The following PHF21B variants were observed in gnomAD, a reference collection of about 807,000 sequenced individuals.
The protein encoded by PHF21B is PHD finger protein 21B.
A neutral mutation model predicts 62.2 loss-of-function variants in PHF21B; 22 were observed. The ratio of observed to expected loss-of-function variants is 0.35; its 90% CI spans 0.25 to 0.51. The LOEUF (loss-of-function observed/expected upper bound fraction) is 0.51, where lower values mean the gene tolerates loss of function less well. PHF21B is among the 20% of genes least tolerant of loss of function. The pLI, the probability that PHF21B is intolerant of heterozygous loss-of-function variation, is 0.97. For missense variants in PHF21B, 701 were observed against 707.9 expected, an observed-to-expected ratio of 0.99 and a Z score of 0.11; for synonymous variants, 341 against 314.7, an observed-to-expected ratio of 1.08 and a Z score of -0.88.
chr22:44,954,005 T>C (rs1047773444), intron 2 of PHF21B, among the ~76,000 whole-genome samples: 1 of 152,192 alleles, frequency 6.6e-6, no homozygotes, highest in African/African-American at 2.4e-5. Context: ...CACCGGGCTC[T>C]TCCTAAGGAG....
intron 2 of PHF21B, among the ~76,000 whole-genome samples, chr22:44,941,030 C>G (rs974398859): frequency 6.6e-5 from 10 of 152,320 alleles, no homozygotes; most frequent in African/African-American, 2.2e-4. Context: ...CAGCGGGATT[C>G]GTGAACAGTA....
chr22:44,944,251 G>A lies in PHF21B; in HGVS notation c.121-23761C>T, dbSNP rs868764246. On this transcript the variant is annotated intron_variant, in intron 2 of 12. Coordinates refer to ENST00000313237, the MANE Select transcript of PHF21B (RefSeq NM_138415.5). ...GCCCTGAGCAGAAGCTGAAAACCAC[G>A]TCCTTTCAAGGGAATTCGGGGAGGA... Among the ~76,000 whole-genome samples the A allele has an allele frequency of 6.6e-5, 10 of 152,314 alleles. No homozygotes were observed. In the South Asian group the frequency reaches 8.3e-4, roughly 13 times the overall value.
chr22:44,931,640 TG>T (rs136690), intron 2 of PHF21B, among the ~76,000 whole-genome samples: 6,039 of 54,558 alleles, frequency 0.11, 231 homozygotes, highest in African/African-American at 0.19. Context: ...GTTGTGATCT[TG>T]GGGGGGGGGT....
chr22:44,981,825 T>C (rs1202613135), intron 2 of PHF21B, among the ~76,000 whole-genome samples: 1 of 152,178 alleles, frequency 6.6e-6, no homozygotes, highest in East Asian at 1.9e-4. Flanking sequence ...AGTTCTGGAA[T>C]GGAAACTGAC....
intron 5 of PHF21B, among the ~76,000 whole-genome samples, chr22:44,910,025 A>T (rs2071317944): frequency 6.6e-6 from 1 of 152,210 alleles, no homozygotes; most frequent in African/African-American, 2.4e-5. Context: ...CTGCATCCTG[A>T]TGTCCCTAGC....
At chr22:44,932,183 T>C (rs1295567703) in intron 2 of PHF21B, among the ~76,000 whole-genome samples, 2 of 152,060 alleles carry the variant, frequency 1.3e-5, no homozygotes, top group Non-Finnish European at 2.9e-5. Flanking sequence ...TGCAGCAAAA[T>C]CTGTTCTTTA....
intron 2 of PHF21B, among the ~76,000 whole-genome samples, chr22:44,938,870 T>A (rs1490090471): frequency 6.6e-6 from 1 of 152,210 alleles, no homozygotes; most frequent in Admixed American, 6.5e-5. Flanking sequence ...GCCTCACTGA[T>A]GACCAGGAAG....
intron 6 of PHF21B, among the ~76,000 whole-genome samples, chr22:44,895,752 G>C (rs1043362306): frequency 6.6e-6 from 1 of 152,196 alleles, no homozygotes; most frequent in Non-Finnish European, 1.5e-5. Flanking sequence ...CATAGTCATG[G>C]AGCCAGGGCG....
intron 2 of PHF21B, among the ~76,000 whole-genome samples, chr22:44,961,152 T>C (rs991809989): frequency 5.9e-5 from 9 of 151,978 alleles, no homozygotes; most frequent in African/African-American, 2.2e-4. Context: ...AGATGGGGTT[T>C]CACCAGGTTG....
intron 2 of PHF21B, among the ~76,000 whole-genome samples, chr22:44,942,292 G>A (rs2071973619): frequency 6.6e-6 from 1 of 152,122 alleles, no homozygotes; most frequent in South Asian, 2.1e-4. Context: ...CATCTGGAGG[G>A]CAGCCGATGG....
chr22:44,966,354 G>C (rs973986368), intron 2 of PHF21B, among the ~76,000 whole-genome samples: 2 of 152,234 alleles, frequency 1.3e-5, no homozygotes, highest in African/African-American at 4.8e-5. Flanking sequence ...ACTTGCCCAA[G>C]GTCACACAAT....
At chr22:44,889,901 A>C in intron 8 of PHF21B, 119 bp from the exon 9 acceptor site, 1 of 1,069,018 alleles carries the variant, frequency 9.4e-7, no homozygotes, top group Non-Finnish European at 1.3e-6. Flanking sequence ...TGATGGGAGC[A>C]TCATAAGGCC....
At chr22:44,911,772 G>A (rs577236207) in intron 5 of PHF21B, among the ~76,000 whole-genome samples, 7 of 152,366 alleles carry the variant, frequency 4.6e-5, no homozygotes, top group African/African-American at 1.2e-4. Flanking sequence ...GCCCCTACAC[G>A]GAGTCTCTAC....
At chr22:44,922,509 C>G (rs542564588) in intron 2 of PHF21B, among the ~76,000 whole-genome samples, 26 of 152,172 alleles carry the variant, frequency 1.7e-4, no homozygotes, top group Non-Finnish European at 3.1e-4. Context: ...GCACATGCCT[C>G]TAATCCCAGC....
At chr22:44,993,295 G>C (rs985573764) in intron 2 of PHF21B, among the ~76,000 whole-genome samples, 23 of 152,290 alleles carry the variant, frequency 1.5e-4, no homozygotes, top group South Asian at 1.5e-3. Flanking sequence ...TAAGCCCTCA[G>C]GTGAGTCATC....
chr22:44,905,945 A>G (rs1281960931), intron 5 of PHF21B, among the ~76,000 whole-genome samples: 1 of 152,130 alleles, frequency 6.6e-6, no homozygotes, highest in Non-Finnish European at 1.5e-5. Context: ...CTTCCCTTTC[A>G]GCAAGTTTGC....
intron 2 of PHF21B, among the ~76,000 whole-genome samples, chr22:44,988,091 G>A (rs1375268268): frequency 1.3e-5 from 2 of 152,216 alleles, no homozygotes; most frequent in African/African-American, 4.8e-5. Context: ...AGAGCCTAGG[G>A]AGAACATCTT....
intron 3 of PHF21B, among the ~76,000 whole-genome samples, chr22:44,917,546 G>A (rs1041243514): frequency 6.6e-6 from 1 of 152,176 alleles, no homozygotes; most frequent in Non-Finnish European, 1.5e-5. Flanking sequence ...ACAAGGAGAA[G>A]GGGTACGACC....
intron 2 of PHF21B, among the ~76,000 whole-genome samples, chr22:44,950,153 G>A (rs1028369443): frequency 1.3e-5 from 2 of 152,220 alleles, no homozygotes; most frequent in African/African-American, 4.8e-5. Context: ...CAGCTGTGGT[G>A]TGGGTTGGCA....
Sources: gnomAD v4.1 joint callset for allele counts (sites outside exome capture counted in the v4.1 genomes callset) on GRCh38, gnomAD v4.1.1 for gene constraint, MANE v1.5 for transcripts, NCBI Gene and HGNC (gene_info 2026-07-23, HGNC 2026-07-21) for gene names.